The following GRIK3 variants were observed in gnomAD, a reference collection of about 807,000 sequenced individuals.
GRIK3 encodes glutamate ionotropic receptor kainate type subunit 3.
Under a neutral mutation model 102.5 loss-of-function variants are expected in GRIK3, and 29 were observed. That is an observed-to-expected ratio of 0.28 (90% confidence interval 0.21 to 0.39). The LOEUF (loss-of-function observed/expected upper bound fraction) is 0.39. GRIK3 is among the 10% of genes least tolerant of loss of function. The pLI is 1.00. For synonymous variants in GRIK3, 511 were observed against 504.9 expected, an observed-to-expected ratio of 1.01 and a Z score of -0.16; for missense variants, 908 against 1,252.4, an observed-to-expected ratio of 0.73 and a Z score of 4.15.
chr1:36,934,931 C>A (rs903179778), intron 1 of GRIK3, among the ~76,000 whole-genome samples: 3 of 152,238 alleles, frequency 2.0e-5, no homozygotes, highest in African/African-American at 7.2e-5. Context: ...TTCTCCATAT[C>A]TGGCACCTTT....
intron 1 of GRIK3, among the ~76,000 whole-genome samples, chr1:36,931,560 CTG>C (rs1476993915): frequency 3.3e-5 from 5 of 152,314 alleles, no homozygotes; most frequent in African/African-American, 1.2e-4. Context: ...TGGACAATGA[CTG>C]TTTTATTTCC....
At chr1:36,983,608 A>G (rs1251546300) in intron 1 of GRIK3, among the ~76,000 whole-genome samples, 1 of 152,108 alleles carries the variant, frequency 6.6e-6, no homozygotes, top group Non-Finnish European at 1.5e-5. Flanking sequence ...CACGCAGCCA[A>G]TAAGCAGCAG....
chr1:36,873,794 C>A (rs1405589174), intron 3 of GRIK3, among the ~76,000 whole-genome samples: 1 of 152,184 alleles, frequency 6.6e-6, no homozygotes, highest in East Asian at 1.9e-4. Flanking sequence ...GAGATAGGTA[C>A]AATACCATTG....
At position 36,866,967 on chromosome 1, in the gene GRIK3, G is replaced by C. The variant is rs375010594; in HGVS notation, c.786+2781C>G. Among the ~76,000 whole-genome samples, 55 of 152,246 alleles carry C rather than the reference G, an allele frequency of 3.6e-4. 1 individual carries two copies. Among genetic ancestry groups the C allele is most frequent in the East Asian group, 1.2e-3 (6 of 5,180 alleles). On this transcript the variant is annotated intron_variant, in intron 5 of 15. Transcript: ENST00000373091. Reference sequence around the variant, plus strand: ...GAGAGGTTAACTGGGCACAGTTCTTGTTTCTTATATACATGAAGGAAGCCA... The same window carrying C: ...GAGAGGTTAACTGGGCACAGTTCTTCTTTCTTATATACATGAAGGAAGCCA...
intron 1 of GRIK3, among the ~76,000 whole-genome samples, chr1:36,906,875 T>C (rs183602044): frequency 3.3e-5 from 5 of 152,220 alleles, no homozygotes; most frequent in Admixed American, 2.6e-4. Context: ...CAATAACTTA[T>C]TGTTTATTTC....
At chr1:36,985,425 A>G (rs920160798) in intron 1 of GRIK3, among the ~76,000 whole-genome samples, 1 of 152,026 alleles carries the variant, frequency 6.6e-6, no homozygotes, top group Non-Finnish European at 1.5e-5. Context: ...AGCTGCCATC[A>G]TTCGGGGACA....
At chr1:36,842,480 G>A (rs1441140436) in intron 9 of GRIK3, among the ~76,000 whole-genome samples, 7 of 152,198 alleles carry the variant, frequency 4.6e-5, no homozygotes, top group Admixed American at 2.0e-4. Context: ...TCAGAAAGCC[G>A]TCTGCTCTAA....
chr1:36,980,292 C>T (rs568064188), intron 1 of GRIK3, among the ~76,000 whole-genome samples: 3 of 152,184 alleles, frequency 2.0e-5, no homozygotes, highest in Admixed American at 2.0e-4. Context: ...TGTGATCCAG[C>T]CTCTGCTCAG....
At chr1:36,859,725 A>T in intron 6 of GRIK3, 119 bp downstream of exon 6, 2 of 819,542 alleles carry the variant, frequency 2.4e-6, no homozygotes, top group Non-Finnish European at 4.0e-6. Context: ...TCTGGCTGAC[A>T]CATGGAAGGT....
At position 37,032,486 on chromosome 1, in the gene GRIK3, T is replaced by TGG. The variant is rs35508388; in HGVS notation, c.115+1506_115+1507dup. On this transcript the variant is annotated intron_variant, in intron 1 of 15. Transcript: ENST00000373091. ...AATAAAGGAAGTGCTGGTCCATTAC[T>TGG]GGGGGGGGAAGGGGAGGCTTCCTGC... Among the ~76,000 whole-genome samples, 250 of 143,398 alleles carry TGG rather than the reference T, an allele frequency of 1.7e-3. 1 individual carries two copies. The highest frequency in any genetic ancestry group is 6.6e-3 in the African/African-American group (235 of 35,400). 94.1% of individuals were successfully genotyped at this position (143,398 alleles called of 152,430 possible). A position where few individuals can be genotyped will look rare whatever the true frequency, so the allele number is the denominator to read the frequency against.
At chr1:36,846,255 TG>T (rs1640518116) in intron 9 of GRIK3, among the ~76,000 whole-genome samples, 1 of 151,908 alleles carries the variant, frequency 6.6e-6, no homozygotes, top group African/African-American at 2.4e-5. Flanking sequence ...ATCTCAGGAA[TG>T]GGGAAGGCTG....
intron 1 of GRIK3, among the ~76,000 whole-genome samples, chr1:36,968,388 A>T (rs1450395809): frequency 6.6e-6 from 1 of 152,048 alleles, no homozygotes; most frequent in East Asian, 1.9e-4. Flanking sequence ...ACTGGTGGCC[A>T]TTGGGAGTGA....
chr1:36,847,587 A>G (rs1640533280), intron 9 of GRIK3, among the ~76,000 whole-genome samples: 1 of 152,216 alleles, frequency 6.6e-6, no homozygotes, highest in South Asian at 2.1e-4. Context: ...ATTTGTAATC[A>G]ATAATAATGA....
chr1:36,813,242 A>G (rs1642582787), intron 13 of GRIK3, among the ~76,000 whole-genome samples: 1 of 152,210 alleles, frequency 6.6e-6, no homozygotes, highest in Admixed American at 6.5e-5. Flanking sequence ...TGGAGATGAT[A>G]ATAACAATCT....
At chr1:36,963,983 C>T (rs1323838996) in intron 1 of GRIK3, among the ~76,000 whole-genome samples, 1 of 152,236 alleles carries the variant, frequency 6.6e-6, no homozygotes, top group Non-Finnish European at 1.5e-5. Context: ...CCAGAGCCTT[C>T]TCCTAAGGAC....
chr1:36,805,395 G>C (rs906843718), intron 14 of GRIK3, among the ~76,000 whole-genome samples, 158 bp from the exon 15 acceptor site: 1 of 152,212 alleles, frequency 6.6e-6, no homozygotes, highest in African/African-American at 2.4e-5. Flanking sequence ...TCGACGCATG[G>C]TATCTGGGTG....
At chr1:36,994,852 C>T (rs970877670) in intron 1 of GRIK3, among the ~76,000 whole-genome samples, 8 of 152,204 alleles carry the variant, frequency 5.3e-5, no homozygotes, top group African/African-American at 9.7e-5. Flanking sequence ...TTCCAGGGTA[C>T]GTGTTCCCTT....
rs866039857 is a variant in GRIK3, at chr1:36,819,561, G to A, written c.1873+175C>T. The stretch of plus-strand genomic sequence containing the variant: ...AGCCAGAGTGAAGGTGGAAGTTAGG[G>A]GTCTGGGGCAAGGGCACACACCTGG... On this transcript the variant is annotated intron_variant, in intron 12 of 15. Coordinates refer to ENST00000373091, the MANE Select transcript of GRIK3 (RefSeq NM_000831.4). The surrounding 1 kb of genome is among the most constrained non-coding windows in gnomAD (Gnocchi z 4.1). 1.2e-4 allele frequency among the ~76,000 whole-genome samples: 19 copies of A among 152,186 alleles called. No individual in the cohort carries two copies. Among genetic ancestry groups the A allele is most frequent in the Non-Finnish European group, 2.2e-4 (15 of 68,024 alleles).
At chr1:36,935,775 G>T (rs1408830729) in intron 1 of GRIK3, among the ~76,000 whole-genome samples, 1 of 152,240 alleles carries the variant, frequency 6.6e-6, no homozygotes, top group African/African-American at 2.4e-5. Flanking sequence ...TGAATTATTA[G>T]TTTGGCAACT....
Sources: gnomAD v4.1 joint callset for allele counts (sites outside exome capture counted in the v4.1 genomes callset) on GRCh38, gnomAD v4.1.1 for gene constraint, Gnocchi (gnomAD v3.1) non-coding constraint, MANE v1.5 for transcripts, NCBI Gene and HGNC (gene_info 2026-07-23, HGNC 2026-07-21) for gene names.